ZMYND8: variants seen among roughly 807,000 people sequenced by gnomAD.
ZMYND8 encodes the protein MYND-type zinc finger-containing chromatin reader ZMYND8.
Under a neutral mutation model 140.8 loss-of-function variants are expected in ZMYND8, and 37 were observed. That is an observed-to-expected ratio of 0.26 (90% CI 0.20 to 0.35). The LOEUF (loss-of-function observed/expected upper bound fraction) is 0.35, where lower values mean the gene tolerates loss of function less well. Ranked by LOEUF, ZMYND8 falls within the 10% of genes least tolerant of loss-of-function variation. ZMYND8 has a pLI of 1.00. For synonymous variants in ZMYND8, 592 were observed against 597.1 expected, an observed-to-expected ratio of 0.99 and a Z score of 0.12; for missense variants, 1,068 against 1,570.0, an observed-to-expected ratio of 0.68 and a Z score of 5.40.
intron 2 of ZMYND8, among the ~76,000 whole-genome samples, chr20:47,344,242 T>C (rs1271532725): frequency 6.6e-6 from 1 of 152,084 alleles, no homozygotes; most frequent in African/African-American, 2.4e-5. Flanking sequence ...CCTCCCAAAG[T>C]GCTGAGATTA....
At chr20:47,331,118 CAG>C (rs1313605296) in intron 2 of ZMYND8, among the ~76,000 whole-genome samples, 1 of 152,132 alleles carries the variant, frequency 6.6e-6, no homozygotes, top group East Asian at 1.9e-4. Flanking sequence ...ACAGAGAGAA[CAG>C]AGACTAGCAA....
In ZMYND8 at chr20:47,209,436, A is replaced by T. The variant is rs2034974757; in HGVS notation, c.*1325T>A. On this transcript the variant is annotated 3_prime_UTR_variant, in exon 23 of 23. Coordinates refer to ENST00000471951, the MANE Select transcript of ZMYND8 (RefSeq NM_001281775.3). ...TATGCTAAAAGCAATTATGCTTCAC[A>T]AATAAGGCCAGCTAGGCTATTTTTT... 1 of 133,658 alleles carries T rather than the reference A, an allele frequency of 7.5e-6. No individual in the cohort carries two copies. The highest frequency in any genetic ancestry group is 1.6e-5 in the Non-Finnish European group (1 of 64,208). The allele number at this position is 133,658 out of a possible 1,614,324, so 8.3% of individuals were successfully genotyped here.
intron 13 of ZMYND8, among the ~76,000 whole-genome samples, chr20:47,248,094 C>A (rs898256683): frequency 6.6e-6 from 1 of 152,162 alleles, no homozygotes; most frequent in South Asian, 2.1e-4. Flanking sequence ...GAATTCAAAT[C>A]CTGCTTTTCT....
At chr20:47,225,170 A>G (rs1171866736) in intron 18 of ZMYND8, among the ~76,000 whole-genome samples, 1 of 152,168 alleles carries the variant, frequency 6.6e-6, no homozygotes, top group Non-Finnish European at 1.5e-5. Context: ...TAACAGGACA[A>G]CTATGAACCT....
intron 15 of ZMYND8, chr20:47,237,831 C>T (rs2039440453): frequency 6.6e-6 from 1 of 152,228 alleles, no homozygotes; most frequent in South Asian, 2.1e-4. Context: ...TCAATGCTCA[C>T]AAAAGCCAGG....
intron 6 of ZMYND8, 74 bp from the exon 7 acceptor site, chr20:47,290,348 C>T: frequency 7.3e-7 from 1 of 1,376,604 alleles, no homozygotes; most frequent in Non-Finnish European, 1.0e-6. Context: ...TGTGTCCCCA[C>T]ATAATTTTTG....
rs1224985663 is a variant in ZMYND8, at chr20:47,319,071, G to A, written c.86-8867C>T. On this transcript the variant is annotated intron_variant, in intron 2 of 22. Transcript: ENST00000471951. ...TCCTCAGCGGCCTCTCCCAGGGGGA[G>A]GAGGAAGAAGCAAAGAGAACAGGCT... 8 of 1,334,518 alleles carry A rather than the reference G, an allele frequency of 6.0e-6. No homozygotes were observed. The South Asian group carries it at 9.3e-5, about 16-fold the overall frequency. The allele number at this position is 1,334,518 out of a possible 1,614,324, so 82.7% of individuals were successfully genotyped here. A position where few individuals can be genotyped will look rare whatever the true frequency, so the allele number is the denominator to read the frequency against.
At chr20:47,342,232 A>G (rs1484079121) in intron 2 of ZMYND8, among the ~76,000 whole-genome samples, 1 of 151,922 alleles carries the variant, frequency 6.6e-6, no homozygotes, top group Non-Finnish European at 1.5e-5. Context: ...TTGGTTTCTA[A>G]TACTATTCTC....
At chr20:47,318,107 T>G (rs533606455) in intron 2 of ZMYND8, among the ~76,000 whole-genome samples, 1 of 151,922 alleles carries the variant, frequency 6.6e-6, no homozygotes, top group East Asian at 1.9e-4. Flanking sequence ...GGAAGGAGCA[T>G]GTTAAATCAA....
intron 16 of ZMYND8, among the ~76,000 whole-genome samples, chr20:47,235,111 T>A (rs1396522445): frequency 3.3e-5 from 5 of 152,254 alleles, no homozygotes; most frequent in African/African-American, 4.8e-5. Context: ...CTTAGTAATT[T>A]ACTAACTAAT....
chr20:47,236,750 G>C (rs570765845), intron 15 of ZMYND8, among the ~76,000 whole-genome samples: 42 of 152,158 alleles, frequency 2.8e-4, no homozygotes, highest in African/African-American at 9.6e-4. Flanking sequence ...GTGCATGCTA[G>C]GATGACCCCA....
Position 47,224,331 on chromosome 20 carries a change from G to T in ZMYND8, c.3242C>A (p.Ser1081Tyr). ...CAGGGCATTACCTGACTGGGTGCAGGACTTCATGTGCTCAGGCCAGTGGGC... is the reference window on the plus strand; with the variant it reads ...CAGGGCATTACCTGACTGGGTGCAGTACTTCATGTGCTCAGGCCAGTGGGC... ...QQAHWPEHMK[S>Y]CTQSATAPQQ... The change falls in exon 19 of 23, where the codon TCC (serine) becomes TAC (tyrosine). Residue 1081 changes from serine (S) to tyrosine (Y), a missense_variant. Transcript: ENST00000471951. The T allele has an allele frequency of 6.2e-7, 1 of 1,614,224 alleles. No homozygotes were observed. Among genetic ancestry groups the T allele is most frequent in the Non-Finnish European group, 8.5e-7 (1 of 1,180,036 alleles).
chr20:47,283,481 C>T, intron 9 of ZMYND8, 90 bp downstream of exon 9: 1 of 1,352,946 alleles, frequency 7.4e-7, no homozygotes, highest in South Asian at 1.2e-5. Flanking sequence ...AAAGTTTCAT[C>T]TAATAAGCCA....
chr20:47,244,276 T>G (rs926820679), intron 14 of ZMYND8, among the ~76,000 whole-genome samples: 7 of 152,260 alleles, frequency 4.6e-5, no homozygotes, highest in African/African-American at 1.4e-4. Flanking sequence ...TGGCTATCCC[T>G]TAAGTCACTC....
intron 10 of ZMYND8, among the ~76,000 whole-genome samples, chr20:47,277,712 C>T (rs1232430198): frequency 2.0e-5 from 3 of 151,126 alleles, no homozygotes; most frequent in African/African-American, 7.3e-5. Context: ...GCTCTATTGC[C>T]CAGGCTAGAG....
chr20:47,253,602 C>T (rs2074364732), intron 12 of ZMYND8, among the ~76,000 whole-genome samples: 2 of 151,494 alleles, frequency 1.3e-5, no homozygotes, highest in Admixed American at 1.3e-4. Context: ...GCAGCTAAGG[C>T]TGAGAACCCC....
rs1233216129 is a variant in ZMYND8, at chr20:47,210,053, A to G, written c.*708T>C. The stretch of plus-strand genomic sequence containing the variant: ...GCTTGTTTGTTTCTCTTCTGTAAAC[A>G]AGGATATTGTTTTTTCCCTTTTAGG... On this transcript the variant is annotated 3_prime_UTR_variant, in exon 23 of 23. Coordinates refer to ENST00000471951, the MANE Select transcript of ZMYND8 (RefSeq NM_001281775.3). 6.6e-6 allele frequency: 1 copy of G among 152,610 alleles called. No homozygotes were observed. Among genetic ancestry groups the G allele is most frequent in the East Asian group, 1.9e-4 (1 of 5,202 alleles). The allele number at this position is 152,610 out of a possible 1,614,324, so 9.5% of individuals were successfully genotyped here.
intron 13 of ZMYND8, 149 bp from the exon 14 acceptor site, chr20:47,246,666 T>C: frequency 8.3e-7 from 1 of 1,204,472 alleles, no homozygotes. Flanking sequence ...CCAGTAATAA[T>C]CTCAAGTGGC....
intron 13 of ZMYND8, among the ~76,000 whole-genome samples, chr20:47,249,085 A>C (rs542363095): frequency 2.6e-5 from 4 of 152,320 alleles, no homozygotes; most frequent in African/African-American, 9.6e-5. Context: ...TAAACTGATG[A>C]GTTCAAAAAG....
Sources: gnomAD v4.1 joint callset for allele counts (sites outside exome capture counted in the v4.1 genomes callset) on GRCh38, gnomAD v4.1.1 for gene constraint, MANE v1.5 for transcripts, NCBI Gene and HGNC (gene_info 2026-07-23, HGNC 2026-07-21) for gene names.